Variants in GLRA3 observed in about 807,000 individuals in gnomAD.
GLRA3 encodes the protein glycine receptor subunit alpha-3.
Under a neutral mutation model 60.4 loss-of-function variants are expected in GLRA3, and 44 were observed. That is an observed-to-expected ratio of 0.73 (90% CI 0.57 to 0.94). The LOEUF is 0.94. Among genes scored for constraint, GLRA3 ranks in the 40% least tolerant of loss-of-function variants. The probability of loss-of-function intolerance (pLI) is 0.00; values close to 1 mark genes in which losing one functional copy is unlikely to be tolerated. For synonymous variants in GLRA3, 223 were observed against 192.9 expected (o/e 1.16, Z -1.29); for missense variants, 508 against 564.6 (o/e 0.90, Z 1.02).
chr4:174,674,761 G>T (rs1365070279), intron 7 of GLRA3, among the ~76,000 whole-genome samples: 2 of 152,082 alleles, frequency 1.3e-5, no homozygotes, highest in East Asian at 3.9e-4. Flanking sequence ...TAAATTCTGG[G>T]TGTTTTAGTG....
At chr4:174,812,991 A>G (rs1740331344) in intron 1 of GLRA3, among the ~76,000 whole-genome samples, 1 of 152,184 alleles carries the variant, frequency 6.6e-6, no homozygotes, top group Admixed American at 6.6e-5. Flanking sequence ...TTAATCAAGC[A>G]TAACAAAACC....
intron 3 of GLRA3, among the ~76,000 whole-genome samples, chr4:174,744,935 T>C (rs1737178343): frequency 6.6e-6 from 1 of 152,006 alleles, no homozygotes; most frequent in South Asian, 2.1e-4. Context: ...GAATGAGAAA[T>C]TTACAAAAGG....
At chr4:174,711,429 T>TTATA (rs199542230) in intron 5 of GLRA3, among the ~76,000 whole-genome samples, 70 of 143,512 alleles carry the variant, frequency 4.9e-4, no homozygotes, top group South Asian at 3.1e-3. Context: ...ATTTTCCTAA[T>TTATA]TATATATATA....
chr4:174,730,239 G>T (rs764430163), intron 3 of GLRA3, among the ~76,000 whole-genome samples: 6 of 152,150 alleles, frequency 3.9e-5, no homozygotes, highest in Non-Finnish European at 8.8e-5. Flanking sequence ...TCTTCTCTTA[G>T]CCTGTAGTCC....
At chr4:174,758,911 AT>A (rs1373776873) in intron 3 of GLRA3, among the ~76,000 whole-genome samples, 1 of 152,176 alleles carries the variant, frequency 6.6e-6, no homozygotes, top group African/African-American at 2.4e-5. Context: ...AAGAAGGCAA[AT>A]AAATTGATAT....
At chr4:174,765,056 A>G (rs909758391) in intron 3 of GLRA3, among the ~76,000 whole-genome samples, 1 of 151,968 alleles carries the variant, frequency 6.6e-6, no homozygotes, top group Non-Finnish European at 1.5e-5. Flanking sequence ...TGATTTCAAA[A>G]GGAATACATA....
chr4:174,692,950 A>G (rs1052836333), intron 5 of GLRA3, among the ~76,000 whole-genome samples: 2 of 151,716 alleles, frequency 1.3e-5, no homozygotes, highest in African/African-American at 4.8e-5. Context: ...AAAAAAATAA[A>G]AAAAAAAAAA....
chr4:174,717,407 C>G (rs913376979), intron 4 of GLRA3, among the ~76,000 whole-genome samples: 4 of 151,932 alleles, frequency 2.6e-5, no homozygotes, highest in African/African-American at 9.7e-5. Flanking sequence ...TAAAAAAGAA[C>G]TATTTAAGCT....
At chr4:174,682,599 A>T (rs1018941345) in intron 6 of GLRA3, among the ~76,000 whole-genome samples, 5 of 152,318 alleles carry the variant, frequency 3.3e-5, no homozygotes, top group African/African-American at 1.2e-4. Context: ...AACACCAAGC[A>T]TTACTTTCGT....
chr4:174,778,297 T>C (rs1459097884), intron 2 of GLRA3, among the ~76,000 whole-genome samples: 1 of 152,210 alleles, frequency 6.6e-6, no homozygotes, highest in African/African-American at 2.4e-5. Context: ...GGAATCTACC[T>C]ATTATTTTCA....
Position 174,644,082 on chromosome 4 carries a change from GACAAGGCCCTTTAATAAT to G in GLRA3, c.1117-36_1117-19del. The stretch of plus-strand genomic sequence containing the variant: ...TCATCATCCTGTCAAAGAAAAATGT[GACAAGGCCCTTTAATAAT>G]ACAATAGAGCATGTATAACAGGCAT... On this transcript the variant is annotated intron_variant, in intron 9 of 9. Transcript: ENST00000274093. The G allele has an allele frequency of 6.6e-7, 1 of 1,504,816 alleles. No individual in the cohort carries two copies. Among genetic ancestry groups the G allele is most frequent in the South Asian group, 1.2e-5 (1 of 86,564 alleles). The allele number at this position is 1,504,816 out of a possible 1,614,324, so 93.2% of individuals were successfully genotyped here.
intron 3 of GLRA3, among the ~76,000 whole-genome samples, chr4:174,736,608 A>T (rs1251579547): frequency 2.0e-5 from 3 of 152,162 alleles, no homozygotes; most frequent in Non-Finnish European, 4.4e-5. Flanking sequence ...ACTTAGCATA[A>T]GTTTTTACAA....
intron 3 of GLRA3, among the ~76,000 whole-genome samples, chr4:174,731,376 A>G (rs1561083014): frequency 6.6e-6 from 1 of 152,206 alleles, no homozygotes; most frequent in African/African-American, 2.4e-5. Flanking sequence ...CCACCCTAAG[A>G]GAAGTCCTAA....
At chr4:174,814,583 T>C (rs1222328316) in intron 1 of GLRA3, among the ~76,000 whole-genome samples, 1 of 152,212 alleles carries the variant, frequency 6.6e-6, no homozygotes, top group Non-Finnish European at 1.5e-5. Flanking sequence ...AGAGTTTTAA[T>C]AGGCTTACAG....
At chr4:174,739,337 G>A (rs926150444) in intron 3 of GLRA3, among the ~76,000 whole-genome samples, 1 of 152,184 alleles carries the variant, frequency 6.6e-6, no homozygotes, top group South Asian at 2.1e-4. Context: ...ACTCATTTCA[G>A]TAATGTAGAA....
chr4:174,684,519 A>G (rs970760024), intron 5 of GLRA3, among the ~76,000 whole-genome samples: 23 of 152,352 alleles, frequency 1.5e-4, no homozygotes, highest in African/African-American at 5.5e-4. Context: ...GCAGATTTTT[A>G]TCTTCTCCTT....
chr4:174,750,131 C>T (rs1002621949), intron 3 of GLRA3, among the ~76,000 whole-genome samples: 1 of 151,992 alleles, frequency 6.6e-6, no homozygotes, highest in African/African-American at 2.4e-5. Context: ...AGTTTTGTAT[C>T]CTAAGGAAGT....
Position 174,829,084 on chromosome 4 carries a change from C to G in GLRA3, c.-273G>C. 1 of 352,344 alleles carries G rather than the reference C, an allele frequency of 2.8e-6. No individual in the cohort carries two copies. The highest frequency in any genetic ancestry group is 5.3e-6 in the Non-Finnish European group (1 of 189,354). 21.8% of individuals were successfully genotyped at this position (352,344 alleles called of 1,614,324 possible). A position where few individuals can be genotyped will look rare whatever the true frequency, so the allele number is the denominator to read the frequency against. ...ATGAAATGTCTGAAGTGCCTAGGTGCTGGGCAACAGTTCTCTAAAGCTCCA... is the reference window on the plus strand; with the variant it reads ...ATGAAATGTCTGAAGTGCCTAGGTGGTGGGCAACAGTTCTCTAAAGCTCCA... On this transcript the variant is annotated 5_prime_UTR_variant, in exon 1 of 10. Coordinates refer to ENST00000274093, the MANE Select transcript of GLRA3 (RefSeq NM_006529.4).
chr4:174,718,714 T>C (rs1033681165), intron 4 of GLRA3, among the ~76,000 whole-genome samples: 15 of 152,206 alleles, frequency 9.9e-5, no homozygotes, highest in African/African-American at 3.6e-4. Flanking sequence ...ATCTATATTA[T>C]CTGTAATATC....
Sources: allele counts gnomAD v4.1 joint callset (sites outside exome capture counted in the v4.1 genomes callset), GRCh38; gene constraint gnomAD v4.1.1; transcripts MANE v1.5; gene names NCBI Gene and HGNC (gene_info 2026-07-23, HGNC 2026-07-21).